The following DNAH17 variants were observed in gnomAD, a reference collection of about 807,000 sequenced individuals.
The protein encoded by DNAH17 is dynein axonemal heavy chain 17, also known as axonemal beta dynein heavy chain 17.
DNAH17 carries 376 observed loss-of-function variants against 485.6 expected under a neutral mutation model. The ratio of observed to expected loss-of-function variants is 0.77; its 90% CI spans 0.71 to 0.84. The LOEUF (loss-of-function observed/expected upper bound fraction) is 0.84. Ranked by LOEUF, DNAH17 falls within the 40% of genes least tolerant of loss-of-function variation. The pLI is 0.00. For missense variants in DNAH17, 6,370 were observed against 5,839.3 expected, an observed-to-expected ratio of 1.09 and a Z score of -2.96; for synonymous variants, 3,031 against 2,405.9, an observed-to-expected ratio of 1.26 and a Z score of -7.60.
At chr17:78,474,013 T>C (rs962919148) in intron 54 of DNAH17, among the ~76,000 whole-genome samples, 3 of 152,154 alleles carry the variant, frequency 2.0e-5, no homozygotes, top group African/African-American at 4.8e-5. Flanking sequence ...CCTTTATACA[T>C]GGAGTAGAAT....
chr17:78,425,217 G>T, intron 80 of DNAH17, 129 bp downstream of exon 80: 1 of 885,830 alleles, frequency 1.1e-6, no homozygotes, highest in Non-Finnish European at 1.7e-6. Flanking sequence ...TGCCCCCTGA[G>T]AGCACCTCTC....
At chr17:78,446,866 A>C (rs1369846095) in intron 69 of DNAH17, among the ~76,000 whole-genome samples, 1 of 152,132 alleles carries the variant, frequency 6.6e-6, no homozygotes, top group Non-Finnish European at 1.5e-5. Flanking sequence ...CTGGTCTTGA[A>C]CTACTGGCCT....
chr17:78,559,260 C>A (rs1456928444), intron 13 of DNAH17, among the ~76,000 whole-genome samples: 1 of 152,230 alleles, frequency 6.6e-6, no homozygotes, highest in Non-Finnish European at 1.5e-5. Flanking sequence ...CCTTCTGTAT[C>A]CACCCGCCTA....
At position 78,480,048 on chromosome 17, in the gene DNAH17, T is replaced by A. The variant is rs1321545205; in HGVS notation, c.7753-416A>T. Among the ~76,000 whole-genome samples, 61 of 94,368 alleles carry A rather than the reference T, an allele frequency of 6.5e-4. 6 individuals carry two copies. The highest frequency in any genetic ancestry group is 3.6e-3 in the African/African-American group (58 of 16,210). 61.9% of individuals were successfully genotyped at this position (94,368 alleles called of 152,430 possible). ...TTTTTTTTTTTTTTTTTTTTTTTTT[T>A]TAAAAAAAGTATGTCCCAGGCCGGG... On this transcript the variant is annotated intron_variant, in intron 49 of 80. Transcript: ENST00000389840.
At position 78,501,753 on chromosome 17, in the gene DNAH17, T is replaced by C. The variant is rs745951472; in HGVS notation, c.5311A>G (p.Ile1771Val). The change falls in exon 34 of 81, where the codon ATC becomes GTC. Residue 1771 changes from isoleucine to valine, a missense_variant. Transcript: ENST00000389840. The stretch of plus-strand genomic sequence containing the variant: ...AGGGGCGCTCATGCCTTGGCCACGA[T>C]CATTTTGGCCACCACGTCCCGTGCG... ...VHARDVVAKM[I>V]VAKVESSQAF... 6.2e-7 allele frequency: 1 copy of C among 1,613,304 alleles called. No individual in the cohort carries two copies. The highest frequency in any genetic ancestry group is 2.2e-5 in the East Asian group (1 of 44,872).
At chr17:78,563,409 A>G (rs1216283104) in intron 11 of DNAH17, among the ~76,000 whole-genome samples, 1 of 152,086 alleles carries the variant, frequency 6.6e-6, no homozygotes, top group Non-Finnish European at 1.5e-5. Flanking sequence ...GGAAAAAAAA[A>G]ATGTTCCTCT....
Position 78,571,785 on chromosome 17 carries a change from G to A in DNAH17, c.540-3C>T, listed in dbSNP as rs1464019542. On this transcript the variant is annotated splice_region_variant and splice_polypyrimidine_tract_variant and intron_variant, in intron 3 of 80. Coordinates refer to ENST00000389840, the MANE Select transcript of DNAH17 (RefSeq NM_173628.4). Reference sequence around the variant, plus strand: ...AGTTGTCCAGTGAAGAGGGGATCCTGCCCAGTGGAAGGTTGGGGCATTGCT... The same window carrying A: ...AGTTGTCCAGTGAAGAGGGGATCCTACCCAGTGGAAGGTTGGGGCATTGCT... The A allele has an allele frequency of 1.3e-6, 2 of 1,573,954 alleles. No homozygotes were observed. The highest frequency in any genetic ancestry group is 1.7e-6 in the Non-Finnish European group (2 of 1,159,014).
At chr17:78,471,641 G>A (rs910940592) in intron 54 of DNAH17, among the ~76,000 whole-genome samples, 2 of 152,130 alleles carry the variant, frequency 1.3e-5, no homozygotes, top group East Asian at 1.9e-4. Flanking sequence ...GATCCTCCTT[G>A]CCTTGGCCTC....
At position 78,462,834 on chromosome 17, in the gene DNAH17, C is replaced by A. The variant is rs113940612; in HGVS notation, c.9174+10G>T. On this transcript the variant is annotated intron_variant, in intron 57 of 80. Coordinates refer to ENST00000389840, the MANE Select transcript of DNAH17 (RefSeq NM_173628.4). ...GGCACAGGAGCTGGCAGCCAGCCCC[C>A]CTCTCCTACCTGGGAAGCCGTGCTC... 2,052 of 1,613,706 alleles carry A rather than the reference C, an allele frequency of 1.3e-3. 22 individuals are homozygous for A. In the African/African-American group the frequency reaches 0.021, roughly 17 times the overall value.
intron 77 of DNAH17, among the ~76,000 whole-genome samples, chr17:78,427,675 C>G (rs549063505): frequency 9.0e-4 from 137 of 152,272 alleles, no homozygotes; most frequent in Non-Finnish European, 1.3e-3. Flanking sequence ...TTTCCACATT[C>G]TATTAAGAAG....
At position 78,441,140 on chromosome 17, in the gene DNAH17, G is replaced by C; in HGVS notation, c.11588C>G (p.Ser3863Cys). The C allele has an allele frequency of 6.2e-7, 1 of 1,613,940 alleles. No homozygotes were observed. Among genetic ancestry groups the C allele is most frequent in the Non-Finnish European group, 8.5e-7 (1 of 1,179,886 alleles). Reference protein sequence around the residue: ...KFVEGRSVEFSKSYEESSPST... With the variant: ...KFVEGRSVEFCKSYEESSPST... ...GGGGCTGCTCTCCTCGTAGGACTTAGAAAACTCAACACTCCGGCCTTCCAC... is the reference window on the plus strand; with the variant it reads ...GGGGCTGCTCTCCTCGTAGGACTTACAAAACTCAACACTCCGGCCTTCCAC... Residue 3863 changes from serine to cysteine, a missense_variant, in exon 72 of 81, where the codon TCT becomes TGT. Physicochemically the swap from Ser to Cys is moderately radical, Grantham distance 112. Transcript: ENST00000389840.
chr17:78,561,584 T>C lies in DNAH17; in HGVS notation c.1835+131A>G, dbSNP rs946664423. 7 of 1,167,046 alleles carry C rather than the reference T, an allele frequency of 6.0e-6. No individual in the cohort carries two copies. In the East Asian group the frequency reaches 1.8e-4, roughly 31 times the overall value. 72.3% of individuals were successfully genotyped at this position (1,167,046 alleles called of 1,614,324 possible). A position where few individuals can be genotyped will look rare whatever the true frequency, so the allele number is the denominator to read the frequency against. On this transcript the variant is annotated intron_variant, in intron 12 of 80. Coordinates refer to ENST00000389840, the MANE Select transcript of DNAH17 (RefSeq NM_173628.4). ...AGGGAGGACCAGAAGGGGTCTCTTC[T>C]GGGCTTTTGCTCTGGGAGGTAACAG... is the stretch of plus-strand genomic sequence containing the variant.
intron 48 of DNAH17, among the ~76,000 whole-genome samples, chr17:78,483,729 G>A (rs1442448046): frequency 1.3e-5 from 2 of 152,150 alleles, no homozygotes; most frequent in Non-Finnish European, 2.9e-5. Context: ...TGCCTTTCTC[G>A]GCATGAGGCC....
intron 27 of DNAH17, among the ~76,000 whole-genome samples, chr17:78,508,663 G>T (rs555233214): frequency 2.6e-4 from 39 of 152,306 alleles, no homozygotes; most frequent in Non-Finnish European, 5.0e-4. Flanking sequence ...GAGGGGGAAA[G>T]TGGATTAGTG....
rs201021773 is a variant in DNAH17, at chr17:78,494,636, G to C, written c.6227C>G (p.Pro2076Arg). ...CCGTTTCCGAGGCACGTCCAGAGCC[G>C]GGAAGAGGTCCCCGATCAGTCCCAT... ...VFMGLIGDLF[P>R]ALDVPRKRDL... The change falls in exon 40 of 81, where the codon CCG (proline) becomes CGG (arginine). Residue 2076 changes from proline to arginine, a missense_variant. Coordinates refer to ENST00000389840, the MANE Select transcript of DNAH17 (RefSeq NM_173628.4). The C allele has an allele frequency of 3.5e-4, 572 of 1,613,890 alleles. 1 individual carries two copies. The highest frequency in any genetic ancestry group is 4.6e-4 in the Non-Finnish European group (548 of 1,179,888).
At chr17:78,522,018 C>T (rs1005523066) in intron 25 of DNAH17, among the ~76,000 whole-genome samples, 1 of 152,026 alleles carries the variant, frequency 6.6e-6, no homozygotes, top group Admixed American at 6.6e-5. Context: ...TCTTGCTCAG[C>T]GAAATACCCT....
Position 78,442,516 on chromosome 17 carries a change from G to C in DNAH17, c.11529-1317C>G, listed in dbSNP as rs184123082. 1.4e-3 allele frequency among the ~76,000 whole-genome samples: 206 copies of C among 152,352 alleles called. 2 individuals are homozygous for C. Among genetic ancestry groups the C allele is most frequent in the African/African-American group, 4.8e-3 (199 of 41,584 alleles). ...ATCCTTGTCTAGGAAGGAACTTCCA[G>C]AACATATGAAGTCCTGCCCCTAGGC... On this transcript the variant is annotated intron_variant, in intron 71 of 80. Transcript: ENST00000389840.
chr17:78,511,209 G>A (rs554305547), intron 26 of DNAH17, among the ~76,000 whole-genome samples: 1 of 152,352 alleles, frequency 6.6e-6, no homozygotes, highest in African/African-American at 2.4e-5. Flanking sequence ...CCGGGTTCAA[G>A]CGATTCTCCT....
chr17:78,499,469 G>A, intron 36 of DNAH17: 1 of 161,394 alleles, frequency 6.2e-6, no homozygotes, highest in Middle Eastern at 3.0e-3. Context: ...GTCCTCTAAG[G>A]CGGGATGGGG....
Sources: gnomAD v4.1 joint callset for allele counts (sites outside exome capture counted in the v4.1 genomes callset) on GRCh38, gnomAD v4.1.1 for gene constraint, MANE v1.5 for transcripts, NCBI Gene and HGNC (gene_info 2026-07-23, HGNC 2026-07-21) for gene names.